ATP9B: variants seen among roughly 807,000 people sequenced by gnomAD.
The protein encoded by ATP9B is probable phospholipid-transporting ATPase IIB.
In ATP9B, 110 loss-of-function variants were observed where a neutral mutation model predicts 146.1. That is an observed-to-expected ratio of 0.75 (90% confidence interval 0.65 to 0.88). The LOEUF (loss-of-function observed/expected upper bound fraction) is 0.88. ATP9B is among the 40% of genes least tolerant of loss of function. ATP9B has a pLI of 0.00. For synonymous variants in ATP9B, 604 were observed against 569.7 expected, an observed-to-expected ratio of 1.06 and a Z score of -0.86; for missense variants, 1,499 against 1,496.4, an observed-to-expected ratio of 1.00 and a Z score of -0.03.
At chr18:79,138,208 C>A (rs1568255657) in intron 5 of ATP9B, among the ~76,000 whole-genome samples, 1 of 152,074 alleles carries the variant, frequency 6.6e-6, no homozygotes, top group Non-Finnish European at 1.5e-5. Context: ...TTAGAATTAG[C>A]TAGAAGATAG....
intron 11 of ATP9B, among the ~76,000 whole-genome samples, chr18:79,247,591 T>C (rs957178298): frequency 6.6e-6 from 1 of 152,148 alleles, no homozygotes; most frequent in African/African-American, 2.4e-5. Flanking sequence ...TCAATATGCA[T>C]AGTCTGTAAC....
intron 13 of ATP9B, among the ~76,000 whole-genome samples, chr18:79,295,007 A>T (rs1293164734): frequency 6.6e-6 from 1 of 152,172 alleles, no homozygotes; most frequent in African/African-American, 2.4e-5. Flanking sequence ...ATATCTTTCA[A>T]ATTTACATAC....
intron 4 of ATP9B, among the ~76,000 whole-genome samples, chr18:79,114,598 C>T (rs1375794615): frequency 2.0e-5 from 3 of 152,168 alleles, no homozygotes; most frequent in Non-Finnish European, 4.4e-5. Context: ...TTCTCTTTCA[C>T]ATAGACTTCA....
intron 13 of ATP9B, among the ~76,000 whole-genome samples, chr18:79,280,416 A>T (rs1187146568): frequency 6.6e-6 from 1 of 152,214 alleles, no homozygotes; most frequent in Non-Finnish European, 1.5e-5. Flanking sequence ...ATAAACCTTA[A>T]AATGAAAAAA....
rs576343748 is a variant in ATP9B at position 79,239,636 on chromosome 18, C to T, written c.1108-13745C>T. Among the ~76,000 whole-genome samples the T allele has an allele frequency of 1.3e-5, 2 of 152,234 alleles. No individual in the cohort carries two copies. Among genetic ancestry groups the T allele is most frequent in the South Asian group, 4.2e-4 (2 of 4,814 alleles). ...GAAGAAAAATCAGCTTCCCTGCATG[C>T]ATCATTGTGCAAGAGGTAGCTGAGG... On this transcript the variant is annotated intron_variant, in intron 11 of 29. Transcript: ENST00000426216. The surrounding 1 kb of genome is among the most constrained non-coding windows in gnomAD (Gnocchi z 5.1).
chr18:79,093,117 G>C (rs750901492), intron 1 of ATP9B, among the ~76,000 whole-genome samples: 1 of 152,154 alleles, frequency 6.6e-6, no homozygotes, highest in Non-Finnish European at 1.5e-5. Context: ...GAATTTTTCA[G>C]CTTCCTTATT....
chr18:79,106,548 C>G (rs922137331), intron 2 of ATP9B, among the ~76,000 whole-genome samples: 1 of 152,098 alleles, frequency 6.6e-6, no homozygotes, highest in Non-Finnish European at 1.5e-5. Context: ...ATGCCTGTTG[C>G]GAGTGTATTC....
intron 7 of ATP9B, among the ~76,000 whole-genome samples, chr18:79,175,001 C>A (rs1289695055): frequency 6.6e-6 from 1 of 151,866 alleles, no homozygotes; most frequent in African/African-American, 2.4e-5. Context: ...GAGATCGAGA[C>A]CATCCTGGCC....
At chr18:79,145,074 T>C (rs2094563409) in intron 6 of ATP9B, 2 of 165,414 alleles carry the variant, frequency 1.2e-5, no homozygotes, top group Admixed American at 6.6e-5. Flanking sequence ...GCAAGCTGCA[T>C]GTCGGAGCTG....
rs138218618 is a variant in ATP9B at position 79,094,340 on chromosome 18, A to G, written c.120-2136A>G. On this transcript the variant is annotated intron_variant, in intron 1 of 29. Transcript: ENST00000426216. ...CTTTCTCCACTGTCTGGTTTATCCC[A>G]TGTCTCCAATTTCCAGGGTTGTTTT... Among the ~76,000 whole-genome samples the G allele has an allele frequency of 1.5e-3, 221 of 152,252 alleles. 3 individuals are homozygous for G. Among genetic ancestry groups the G allele is most frequent in the African/African-American group, 5.0e-3 (208 of 41,542 alleles).
chr18:79,121,325 A>G (rs924378143), intron 4 of ATP9B, among the ~76,000 whole-genome samples: 1 of 152,236 alleles, frequency 6.6e-6, no homozygotes, highest in Non-Finnish European at 1.5e-5. Context: ...TTGTGCCCAA[A>G]TACTGCTGTT....
intron 19 of ATP9B, among the ~76,000 whole-genome samples, chr18:79,339,914 G>T (rs975194956): frequency 3.3e-5 from 5 of 152,216 alleles, no homozygotes; most frequent in Non-Finnish European, 7.3e-5. Flanking sequence ...GACTCAGAAA[G>T]TTTAGATTAC....
In ATP9B at chr18:79,139,529, T is replaced by C. The variant is rs187503104; in HGVS notation, c.668-4273T>C. Among the ~76,000 whole-genome samples the C allele has an allele frequency of 8.7e-3, 1,320 of 152,346 alleles. 9 individuals are homozygous for C. The highest frequency in any genetic ancestry group is 0.013 in the Non-Finnish European group (894 of 68,036). On this transcript the variant is annotated intron_variant, in intron 5 of 29. Coordinates refer to ENST00000426216, the MANE Select transcript of ATP9B (RefSeq NM_198531.5). ...GTGGCTGTATTTTATTTTGTTTTCA[T>C]TTTTATCTTTTAAATTTTTGTGAGT...
In ATP9B at chr18:79,268,607, T is replaced by A. The variant is rs551392531; in HGVS notation, c.1269-8447T>A. Among the ~76,000 whole-genome samples, 20 of 152,340 alleles carry A rather than the reference T, an allele frequency of 1.3e-4. 1 individual carries two copies. In the South Asian group the frequency reaches 4.1e-3, roughly 32 times the overall value. On this transcript the variant is annotated intron_variant, in intron 12 of 29. Transcript: ENST00000426216. ...TAACTTAATTTGCTCCCTTCTGGAC[T>A]TACACCATTTTTGTCATTTATTTTA...
At chr18:79,351,945 C>G (rs1409159484) in intron 25 of ATP9B, among the ~76,000 whole-genome samples, 1 of 152,156 alleles carries the variant, frequency 6.6e-6, no homozygotes, top group Non-Finnish European at 1.5e-5. Context: ...ATGCCATGCC[C>G]TCCCCGAGAA....
chr18:79,277,293 A>C, intron 13 of ATP9B, 97 bp downstream of exon 13: 2 of 1,433,712 alleles, frequency 1.4e-6, no homozygotes, highest in Non-Finnish European at 1.9e-6. Context: ...GTATGTATAT[A>C]TGTGTATGTA....
chr18:79,100,757 A>G (rs767407457), intron 2 of ATP9B, among the ~76,000 whole-genome samples: 12 of 152,216 alleles, frequency 7.9e-5, no homozygotes, highest in East Asian at 1.9e-4. Context: ...GTAGTTCCAC[A>G]TGGCTGGGGA....
chr18:79,074,708 TG>T (rs1199296189), intron 1 of ATP9B, among the ~76,000 whole-genome samples: 2 of 152,252 alleles, frequency 1.3e-5, no homozygotes, highest in Admixed American at 1.3e-4. Flanking sequence ...AAGTCACTGC[TG>T]CCTTCTTACC....
chr18:79,289,254 A>G (rs924452487), intron 13 of ATP9B, among the ~76,000 whole-genome samples: 1 of 152,208 alleles, frequency 6.6e-6, no homozygotes, highest in Non-Finnish European at 1.5e-5. Flanking sequence ...AGGTACGCCA[A>G]TCAGACGGAG....
Sources: allele counts gnomAD v4.1 joint callset (sites outside exome capture counted in the v4.1 genomes callset), GRCh38; gene constraint gnomAD v4.1.1; non-coding constraint Gnocchi (gnomAD v3.1); transcripts MANE v1.5; gene names NCBI Gene and HGNC (gene_info 2026-07-23, HGNC 2026-07-21).